Variants in DRC11 observed in about 807,000 individuals in gnomAD.
DRC11 encodes IQ and AAA domain-containing protein 1.
chr2:236,432,675 C>T, the DRC11 span, among the ~76,000 whole-genome samples: 1 of 152,110 alleles, frequency 6.6e-6, no homozygotes, highest in Non-Finnish European at 1.5e-5. Context: ...GTCTGTGATA[C>T]CCATCACAAA....
chr2:236,476,224 T>A, the DRC11 span, among the ~76,000 whole-genome samples: 4 of 152,184 alleles, frequency 2.6e-5, no homozygotes, highest in African/African-American at 9.6e-5. This position sits in a 1 kb window ranked among gnomAD's most constrained non-coding sequence, Gnocchi z 4.7. Flanking sequence ...CCATTTTTTG[T>A]GTCCTCTCCA....
the DRC11 span, among the ~76,000 whole-genome samples, chr2:236,426,849 C>T: frequency 6.6e-6 from 1 of 152,180 alleles, no homozygotes; most frequent in Non-Finnish European, 1.5e-5. This position sits in a 1 kb window ranked among gnomAD's most constrained non-coding sequence, Gnocchi z 4.1. Context: ...CAAGAGTGGG[C>T]ATCCTTATCT....
chr2:236,507,448 CG>C, the DRC11 span: 1 of 643,506 alleles, frequency 1.6e-6, no homozygotes, highest in African/African-American at 1.8e-5. Flanking sequence ...AAGGTGAGGC[CG>C]GGTTTGCTTC....
the DRC11 span, among the ~76,000 whole-genome samples, chr2:236,394,585 T>TC: frequency 3.0e-4 from 45 of 150,252 alleles, no homozygotes; most frequent in African/African-American, 1.1e-3. The surrounding 1 kb of genome is among the most constrained non-coding windows in gnomAD (Gnocchi z 7.0). Context: ...GAGCTGAGAC[T>TC]CCAGCCTAGG....
chr2:236,496,221 A>C, the DRC11 span, among the ~76,000 whole-genome samples: 1 of 152,196 alleles, frequency 6.6e-6, no homozygotes. The surrounding 1 kb of genome is among the most constrained non-coding windows in gnomAD (Gnocchi z 6.3). Context: ...CTTTTAGAAT[A>C]ATCATCAACA....
chr2:236,350,730 C>T, the DRC11 span, among the ~76,000 whole-genome samples: 7 of 152,342 alleles, frequency 4.6e-5, no homozygotes, highest in South Asian at 1.0e-3. This position sits in a 1 kb window ranked among gnomAD's most constrained non-coding sequence, Gnocchi z 5.2. Context: ...TATTCCTTGA[C>T]CTGTACCGCT....
the DRC11 span, among the ~76,000 whole-genome samples, chr2:236,481,557 TG>T: frequency 4.8e-4 from 73 of 152,244 alleles, 1 homozygote; most frequent in East Asian, 0.012. Flanking sequence ...GATTTTCTGT[TG>T]GGGGGAGTGA....
chr2:236,471,719 G>GT, the DRC11 span, among the ~76,000 whole-genome samples: 1 of 152,174 alleles, frequency 6.6e-6, no homozygotes, highest in Non-Finnish European at 1.5e-5. The surrounding 1 kb of genome is among the most constrained non-coding windows in gnomAD (Gnocchi z 4.6). Context: ...TATAGAAACT[G>GT]TGACACAAAG....
At chr2:236,342,564 T>C in the DRC11 span, among the ~76,000 whole-genome samples, 1 of 152,178 alleles carries the variant, frequency 6.6e-6, no homozygotes, top group African/African-American at 2.4e-5. This position sits in a 1 kb window ranked among gnomAD's most constrained non-coding sequence, Gnocchi z 5.8. Flanking sequence ...GCAGGAACTC[T>C]GCAGCCCTGC....
chr2:236,408,575 G>C, the DRC11 span: 1 of 727,170 alleles, frequency 1.4e-6, no homozygotes, highest in Non-Finnish European at 2.6e-6. This position sits in a 1 kb window ranked among gnomAD's most constrained non-coding sequence, Gnocchi z 5.5. Context: ...AGGTATATGT[G>C]GGTGTGGCAG....
At chr2:236,344,558 A>G in the DRC11 span, 12 of 1,610,580 alleles carry the variant, frequency 7.5e-6, no homozygotes, top group African/African-American at 1.3e-5. Context: ...AGTCCTCACC[A>G]TCTTTTCTGC....
the DRC11 span, among the ~76,000 whole-genome samples, chr2:236,406,807 A>G: frequency 6.6e-6 from 1 of 151,098 alleles, no homozygotes; most frequent in Non-Finnish European, 1.5e-5. This position sits in a 1 kb window ranked among gnomAD's most constrained non-coding sequence, Gnocchi z 4.7. Context: ...GTGCAGTAGC[A>G]CAATCTCGGC....
At chr2:236,370,022 C>T in the DRC11 span, among the ~76,000 whole-genome samples, 5 of 152,284 alleles carry the variant, frequency 3.3e-5, no homozygotes, top group Admixed American at 1.3e-4. This position sits in a 1 kb window ranked among gnomAD's most constrained non-coding sequence, Gnocchi z 5.5. Context: ...CATCTCAGAA[C>T]GCGACCTTAT....
At chr2:236,447,056 C>T in the DRC11 span, among the ~76,000 whole-genome samples, 10 of 151,504 alleles carry the variant, frequency 6.6e-5, 1 homozygote, top group African/African-American at 2.5e-4. This position sits in a 1 kb window ranked among gnomAD's most constrained non-coding sequence, Gnocchi z 4.6. Context: ...ACGCAGCTTC[C>T]TGAGCTCCCA....
chr2:236,378,428 C>T, the DRC11 span, among the ~76,000 whole-genome samples: 1 of 152,068 alleles, frequency 6.6e-6, no homozygotes, highest in African/African-American at 2.4e-5. Context: ...AATCCTAGCA[C>T]TTTGGGAGGC....
chr2:236,458,871 CCT>C, the DRC11 span, among the ~76,000 whole-genome samples: 1 of 151,988 alleles, frequency 6.6e-6, no homozygotes, highest in South Asian at 2.1e-4. Flanking sequence ...ATGGTGAAAC[CCT>C]GTCTCTACTA....
chr2:236,503,748 C>G, the DRC11 span: 3 of 1,501,692 alleles, frequency 2.0e-6, no homozygotes, highest in African/African-American at 2.8e-5. The surrounding 1 kb of genome is among the most constrained non-coding windows in gnomAD (Gnocchi z 4.9). Context: ...GTGACCACAC[C>G]CCCTCCCACA....
chr2:236,465,554 T>C, the DRC11 span: 6 of 1,614,020 alleles, frequency 3.7e-6, no homozygotes, highest in African/African-American at 4.0e-5. The surrounding 1 kb of genome is among the most constrained non-coding windows in gnomAD (Gnocchi z 6.2). Flanking sequence ...TTCTCCTTGA[T>C]ATCCACGCCT....
the DRC11 span, among the ~76,000 whole-genome samples, chr2:236,308,927 G>A: frequency 2.0e-4 from 31 of 152,168 alleles, no homozygotes; most frequent in African/African-American, 6.3e-4. This position sits in a 1 kb window ranked among gnomAD's most constrained non-coding sequence, Gnocchi z 6.0. Context: ...AAAGGAACAC[G>A]TGCTTCTGCT....
Sources: gnomAD v4.1 joint callset for allele counts (sites outside exome capture counted in the v4.1 genomes callset) on GRCh38, gnomAD v4.1.1 for gene constraint, Gnocchi (gnomAD v3.1) non-coding constraint, MANE v1.5 for transcripts, NCBI Gene and HGNC (gene_info 2026-07-23, HGNC 2026-07-21) for gene names.